Variants in CACNA1D observed in about 807,000 individuals in gnomAD.
CACNA1D encodes the protein voltage-dependent L-type calcium channel subunit alpha-1D.
CACNA1D carries 55 observed loss-of-function variants against 257.1 expected under a neutral mutation model. The ratio of observed to expected loss-of-function variants is 0.21; its 90% CI spans 0.17 to 0.27. The LOEUF (loss-of-function observed/expected upper bound fraction) is 0.27. CACNA1D is among the 10% of genes least tolerant of loss of function. The pLI, the probability that CACNA1D is intolerant of heterozygous loss-of-function variation, is 1.00. For synonymous variants in CACNA1D, 980 were observed against 1,014.9 expected (o/e 0.97, Z 0.65); for missense variants, 1,876 against 2,784.0 (o/e 0.67, Z 7.34).
intron 38 of CACNA1D, among the ~76,000 whole-genome samples, chr3:53,781,340 G>A (rs2095424296): frequency 6.6e-6 from 1 of 152,184 alleles, no homozygotes; most frequent in Non-Finnish European, 1.5e-5. Context: ...AGGGTGAACC[G>A]TGTTTGTTCC....
intron 21 of CACNA1D, among the ~76,000 whole-genome samples, chr3:53,742,560 A>T (rs1254228054): frequency 6.6e-6 from 1 of 152,330 alleles, no homozygotes; most frequent in African/African-American, 2.4e-5. Flanking sequence ...AGGTCCATAG[A>T]GCCTGGGAGC....
chr3:53,731,989 C>G (rs754297900), intron 17 of CACNA1D, 27 bp from the exon 18 acceptor site: 99 of 1,461,298 alleles, frequency 6.8e-5, no homozygotes, highest in Middle Eastern at 1.7e-4. Flanking sequence ...AGTCTCCCCT[C>G]CTCCCAAGAT....
intron 3 of CACNA1D, among the ~76,000 whole-genome samples, chr3:53,635,126 C>T (rs1403732341): frequency 6.6e-6 from 1 of 152,238 alleles, no homozygotes; most frequent in Non-Finnish European, 1.5e-5. Flanking sequence ...GAACCCTCCC[C>T]CGATTTCACC....
intron 3 of CACNA1D, among the ~76,000 whole-genome samples, chr3:53,515,109 G>A (rs1262730662): frequency 6.6e-6 from 1 of 152,184 alleles, no homozygotes; most frequent in Non-Finnish European, 1.5e-5. Context: ...TTCTGCTGCA[G>A]CTAGAAGACT....
At chr3:53,666,569 T>C (rs1382475074) in intron 7 of CACNA1D, 34 bp downstream of exon 7, 5 of 1,570,746 alleles carry the variant, frequency 3.2e-6, no homozygotes, top group African/African-American at 2.7e-5. Context: ...TATGGAGTGT[T>C]CTTTGCTTGG....
intron 3 of CACNA1D, among the ~76,000 whole-genome samples, chr3:53,506,746 A>G (rs1215467171): frequency 6.6e-6 from 1 of 152,236 alleles, no homozygotes. Context: ...TTTCAGGAGT[A>G]TATCTTTCTT....
At chr3:53,620,210 G>T (rs2093680687) in intron 3 of CACNA1D, among the ~76,000 whole-genome samples, 1 of 152,144 alleles carries the variant, frequency 6.6e-6, no homozygotes, top group South Asian at 2.1e-4. Context: ...GTATGGAGGG[G>T]CCTGGAGGTG....
intron 8 of CACNA1D, among the ~76,000 whole-genome samples, chr3:53,695,715 G>T (rs989185387): frequency 1.3e-5 from 2 of 152,164 alleles, no homozygotes; most frequent in Admixed American, 6.5e-5. Context: ...GTGTGTTTTT[G>T]ACCACATTGG....
At chr3:53,784,958 T>C (rs568677076) in intron 39 of CACNA1D, among the ~76,000 whole-genome samples, 2 of 152,152 alleles carry the variant, frequency 1.3e-5, no homozygotes, top group East Asian at 3.9e-4. Flanking sequence ...GCTGGGCAAG[T>C]CATTTAGCCC....
intron 3 of CACNA1D, among the ~76,000 whole-genome samples, chr3:53,522,996 T>TA (rs2107365659): frequency 6.6e-6 from 1 of 152,334 alleles, no homozygotes; most frequent in Non-Finnish European, 1.5e-5. Context: ...AGTTCCCACA[T>TA]AAGAGTGAGA....
At chr3:53,807,631 A>C (rs924306287) in intron 45 of CACNA1D, 1 of 152,302 alleles carries the variant, frequency 6.6e-6, no homozygotes, top group African/African-American at 2.4e-5. Context: ...CTCTCGACAG[A>C]GGCCCCTGCA....
At chr3:53,539,021 A>G (rs1171683584) in intron 3 of CACNA1D, among the ~76,000 whole-genome samples, 1 of 152,094 alleles carries the variant, frequency 6.6e-6, no homozygotes, top group African/African-American at 2.4e-5. Context: ...CTGTTTGATC[A>G]TTTAAGACAA....
At chr3:53,690,168 A>G (rs539032494) in intron 8 of CACNA1D, among the ~76,000 whole-genome samples, 4 of 152,322 alleles carry the variant, frequency 2.6e-5, no homozygotes, top group South Asian at 2.1e-4. Context: ...CCAGAGCCCA[A>G]GCTGCTTTTC....
At chr3:53,767,381 A>G (rs1258797975) in intron 30 of CACNA1D, among the ~76,000 whole-genome samples, 1 of 152,132 alleles carries the variant, frequency 6.6e-6, no homozygotes, top group Non-Finnish European at 1.5e-5. Context: ...TCTGGCCAAC[A>G]TGGTGAAACC....
intron 3 of CACNA1D, among the ~76,000 whole-genome samples, chr3:53,567,807 C>A (rs554171765): frequency 6.6e-6 from 1 of 152,210 alleles, no homozygotes; most frequent in Non-Finnish European, 1.5e-5. Context: ...GGGCTGTATA[C>A]ACTGTGTACA....
At chr3:53,761,914 G>A in intron 29 of CACNA1D, 84 bp from the exon 30 acceptor site, 1 of 943,958 alleles carries the variant, frequency 1.1e-6, no homozygotes, top group Middle Eastern at 2.1e-4. Context: ...GGTGCGGCAG[G>A]GACTCGGATT....
chr3:53,666,212 G>A lies in CACNA1D; in HGVS notation c.920-127G>A. On this transcript the variant is annotated intron_variant, in intron 6 of 47. Transcript: ENST00000350061. ...GAAGGGAACCTTGAAGGACAAGCAG[G>A]ATCCTGAGGCAACGCAGATGGGGCG... The A allele has an allele frequency of 3.5e-6, 3 of 859,444 alleles. No individual in the cohort carries two copies. The South Asian group carries it at 4.0e-5, about 11-fold the overall frequency. The allele number at this position is 859,444 out of a possible 1,614,324, so 53.2% of individuals were successfully genotyped here.
intron 9 of CACNA1D, among the ~76,000 whole-genome samples, chr3:53,706,930 C>T (rs190425488): frequency 1.3e-4 from 20 of 152,196 alleles, no homozygotes; most frequent in African/African-American, 4.3e-4. Context: ...GCTAACCAGC[C>T]TCAGGGTGGG....
chr3:53,727,647 G>T (rs56316904), intron 15 of CACNA1D, among the ~76,000 whole-genome samples: 5,492 of 152,054 alleles, frequency 0.036, 145 homozygotes, highest in Non-Finnish European at 0.05. Flanking sequence ...ATAGCCTTTG[G>T]TTCTCGGTGT....
Sources: gnomAD v4.1 joint callset for allele counts (sites outside exome capture counted in the v4.1 genomes callset) on GRCh38, gnomAD v4.1.1 for gene constraint, MANE v1.5 for transcripts, NCBI Gene and HGNC (gene_info 2026-07-23, HGNC 2026-07-21) for gene names.